The following WLS variants were observed in gnomAD, a reference collection of about 807,000 sequenced individuals.
The protein encoded by WLS is Wnt ligand secretion mediator.
In WLS, 23 loss-of-function variants were observed where a neutral mutation model predicts 62.8. That is an observed-to-expected ratio of 0.37 (90% confidence interval 0.26 to 0.52). WLS has a LOEUF of 0.52. WLS is among the 20% of genes least tolerant of loss of function. The pLI is 0.92. For missense variants in WLS, 615 were observed against 697.3 expected (o/e 0.88, Z 1.33); for synonymous variants, 246 against 244.1 (o/e 1.01, Z -0.07).
chr1:68,198,011 A>G (rs998033133), intron 1 of WLS, among the ~76,000 whole-genome samples: 3 of 152,152 alleles, frequency 2.0e-5, no homozygotes, highest in Admixed American at 2.0e-4. Context: ...CAACAAACTG[A>G]GTCATGTTTG....
At chr1:68,198,647 C>A (rs1266414924) in intron 1 of WLS, among the ~76,000 whole-genome samples, 1 of 152,062 alleles carries the variant, frequency 6.6e-6, no homozygotes, top group Non-Finnish European at 1.5e-5. Flanking sequence ...CTGGAGTAAA[C>A]CTGATAGGCA....
At chr1:68,226,877 T>G (rs1344541701) in intron 1 of WLS, among the ~76,000 whole-genome samples, 1 of 152,178 alleles carries the variant, frequency 6.6e-6, no homozygotes, top group Admixed American at 6.5e-5. Context: ...GTAAGAAATA[T>G]TTCTGCAGTT....
At chr1:68,193,453 A>C in intron 2 of WLS, among the ~76,000 whole-genome samples, 1 of 133,344 alleles carries the variant, frequency 7.5e-6, no homozygotes, top group East Asian at 2.4e-4. Flanking sequence ...CGAAAAAAAA[A>C]CCTGGTTTGG....
Position 68,100,175 on chromosome 1 carries a change from G to A in WLS, c.1511-1422C>T, listed in dbSNP as rs17130462. Among the ~76,000 whole-genome samples, 776 of 152,354 alleles carry A rather than the reference G, an allele frequency of 5.1e-3. 6 individuals are homozygous for A. The highest frequency in any genetic ancestry group is 0.017 in the African/African-American group (703 of 41,584). ...TGTTTGTGTTACAGTGCAGGAAACTGCAGCCAGACACTGAAAGTCTAGGGG... is the reference window on the plus strand; with the variant it reads ...TGTTTGTGTTACAGTGCAGGAAACTACAGCCAGACACTGAAAGTCTAGGGG... On this transcript the variant is annotated intron_variant, in intron 11 of 11. Transcript: ENST00000354777.
At chr1:68,187,872 A>C (rs943606227) in intron 2 of WLS, among the ~76,000 whole-genome samples, 1 of 152,216 alleles carries the variant, frequency 6.6e-6, no homozygotes, top group African/African-American at 2.4e-5. Flanking sequence ...ACATTCACTA[A>C]ACATATTTAT....
downstream of WLS, among the ~76,000 whole-genome samples, chr1:68,121,721 AT>A (rs1316693589): frequency 6.6e-6 from 1 of 152,210 alleles, no homozygotes; most frequent in Non-Finnish European, 1.5e-5. Flanking sequence ...CTGCACTGAC[AT>A]CCTGATGAGT....
At chr1:68,098,919 A>G (rs1395453878) in intron 11 of WLS, 1 of 1,064,126 alleles carries the variant, frequency 9.4e-7, no homozygotes, top group African/African-American at 1.6e-5. Context: ...ATTGTGGGAC[A>G]TTTGCAGATT....
chr1:68,116,542 C>T (rs1236810893), intron 11 of WLS, among the ~76,000 whole-genome samples: 1 of 152,172 alleles, frequency 6.6e-6, no homozygotes, highest in African/African-American at 2.4e-5. Context: ...CCCAAGCTCT[C>T]TGTGCCAACA....
At chr1:68,122,145 A>G (rs965511082), downstream of WLS, among the ~76,000 whole-genome samples, 4 of 152,258 alleles carry the variant, frequency 2.6e-5, no homozygotes, top group Admixed American at 1.3e-4. Context: ...TTGAAAGAGT[A>G]GATAAAATAT....
intron 11 of WLS, among the ~76,000 whole-genome samples, chr1:68,128,663 A>G (rs188556772): frequency 2.5e-3 from 380 of 152,380 alleles, no homozygotes; most frequent in Non-Finnish European, 4.3e-3. Flanking sequence ...AGATCACTTG[A>G]AAAAACAGCC....
intron 1 of WLS, among the ~76,000 whole-genome samples, chr1:68,209,729 C>A (rs531421805): frequency 6.6e-6 from 1 of 151,232 alleles, no homozygotes; most frequent in South Asian, 2.1e-4. Flanking sequence ...TGCGGTGAGC[C>A]AAGATTGCAC....
chr1:68,158,526 CA>C (rs1240983094), intron 3 of WLS, among the ~76,000 whole-genome samples: 16 of 151,408 alleles, frequency 1.1e-4, no homozygotes, highest in African/African-American at 3.6e-4. Context: ...TTCTCTGGGC[CA>C]AACCGGAAGG....
chr1:68,189,485 T>C (rs995548609), intron 2 of WLS, among the ~76,000 whole-genome samples: 2 of 152,202 alleles, frequency 1.3e-5, no homozygotes, highest in Non-Finnish European at 2.9e-5. Context: ...TAAGTATGTA[T>C]ATATGTATAG....
intron 1 of WLS, among the ~76,000 whole-genome samples, chr1:68,212,061 G>T (rs1306521021): frequency 6.6e-6 from 1 of 152,192 alleles, no homozygotes; most frequent in Non-Finnish European, 1.5e-5. Flanking sequence ...AAGAGAAAGA[G>T]AAAGAGCTTT....
chr1:68,231,088 G>A (rs1302481950), intron 1 of WLS, among the ~76,000 whole-genome samples: 1 of 152,234 alleles, frequency 6.6e-6, no homozygotes, highest in Non-Finnish European at 1.5e-5. Context: ...CCGCTGCAAA[G>A]TTGGCATTGA....
At chr1:68,208,728 G>C (rs1649385689) in intron 1 of WLS, among the ~76,000 whole-genome samples, 1 of 152,186 alleles carries the variant, frequency 6.6e-6, no homozygotes, top group African/African-American at 2.4e-5. Context: ...ACATGAGAAA[G>C]TAAGAGAGGT....
chr1:68,138,131 G>C, intron 10 of WLS, 198 bp from the exon 11 acceptor site: 1 of 623,420 alleles, frequency 1.6e-6, no homozygotes, highest in Non-Finnish European at 2.7e-6. Context: ...CTAGCTTTCT[G>C]TCAGGCACAG....
upstream of WLS, chr1:68,232,532 C>T (rs1650480574): frequency 5.3e-6 from 4 of 752,958 alleles, no homozygotes; most frequent in Non-Finnish European, 7.8e-6. Flanking sequence ...GTGGCCGCTC[C>T]GCCGCCTGTG....
chr1:68,207,671 A>G (rs959722039), intron 1 of WLS, among the ~76,000 whole-genome samples: 1 of 152,234 alleles, frequency 6.6e-6, no homozygotes, highest in African/African-American at 2.4e-5. Context: ...GAGCTCAGAA[A>G]AACTTGGGTT....
Sources: gnomAD v4.1 joint callset for allele counts (sites outside exome capture counted in the v4.1 genomes callset) on GRCh38, gnomAD v4.1.1 for gene constraint, MANE v1.5 for transcripts, NCBI Gene and HGNC (gene_info 2026-07-23, HGNC 2026-07-21) for gene names.